PDP2: variants seen among roughly 807,000 people sequenced by gnomAD.
PDP2 encodes [Pyruvate dehydrogenase [acetyl-transferring]]-phosphatase 2, mitochondrial.
A neutral mutation model predicts 34.2 loss-of-function variants in PDP2; 23 were observed. The observed-to-expected ratio is 0.67, with a 90% confidence interval of 0.48 to 0.95. The LOEUF is 0.95. Among genes scored for constraint, PDP2 ranks in the 40% least tolerant of loss-of-function variants. The pLI is 0.00. For synonymous variants in PDP2, 275 were observed against 269.2 expected, an observed-to-expected ratio of 1.02 and a Z score of -0.21; for missense variants, 571 against 659.6, an observed-to-expected ratio of 0.87 and a Z score of 1.47.
chr16:66,881,257 C>A (rs370620384), intron 1 of PDP2, among the ~76,000 whole-genome samples: 6 of 152,056 alleles, frequency 3.9e-5, no homozygotes, highest in African/African-American at 7.2e-5. Context: ...GGACAGACCG[C>A]CCCCGCACCG....
At chr16:66,881,443 A>ATTTAG (rs1413389104) in intron 1 of PDP2, among the ~76,000 whole-genome samples, 2 of 147,822 alleles carry the variant, frequency 1.4e-5, no homozygotes, top group African/African-American at 2.5e-5. Flanking sequence ...ATTTAATTTA[A>ATTTAG]TTTAATTTAA....
Position 66,889,640 on chromosome 16 carries a change from G to T in PDP2, c.*3766G>T, listed in dbSNP as rs1213093489. 6.6e-6 allele frequency: 1 copy of T among 151,980 alleles called. No individual in the cohort carries two copies. The highest frequency in any genetic ancestry group is 2.4e-5 in the African/African-American group (1 of 41,358). The allele number at this position is 151,980 out of a possible 1,614,324, so 9.4% of individuals were successfully genotyped here. On this transcript the variant is annotated 3_prime_UTR_variant, in exon 2 of 2. Coordinates refer to ENST00000311765, the MANE Select transcript of PDP2 (RefSeq NM_020786.4). ...TAACTGCATCTCTCTTGATTCTGGG[G>T]CTTGGTAAAAATGGATAGATAAGAT... is the stretch of plus-strand genomic sequence containing the variant.
At position 66,884,570 on chromosome 16, in the gene PDP2, C is replaced by G; in HGVS notation, c.286C>G (p.Leu96Val). 6.2e-7 allele frequency: 1 copy of G among 1,614,238 alleles called. No individual in the cohort carries two copies. The highest frequency in any genetic ancestry group is 8.5e-7 in the Non-Finnish European group (1 of 1,180,052). The change falls in exon 2 of 2, where the codon CTT (leucine) becomes GTT (valine). Residue 96 changes from leucine to valine, a missense_variant. Leu to Val is a conservative substitution (Grantham distance 32). This residue lies in a region of PDP2 where 290 missense variants were observed against 283.8 expected (regional missense o/e 1.02). Transcript: ENST00000311765. Reference sequence around the variant, plus strand: ...AGCTGGCGAGACAACCCACAAGATTCTTGACCTTGAAAGCAGAGTCCCAAA... The same window carrying G: ...AGCTGGCGAGACAACCCACAAGATTGTTGACCTTGAAAGCAGAGTCCCAAA... ...LRAGETTHKI[L>V]DLESRVPNSV...
chr16:66,884,932 G>C lies in PDP2; in HGVS notation c.648G>C (p.Leu216=), dbSNP rs1174792125. 2 of 1,613,844 alleles carry C rather than the reference G, an allele frequency of 1.2e-6. No individual in the cohort carries two copies. Among genetic ancestry groups the C allele is most frequent in the Non-Finnish European group, 1.7e-6 (2 of 1,180,004 alleles). Residue 216 remains leucine (L), a synonymous_variant, in exon 2 of 2, where the codon CTG becomes CTC. Coordinates refer to ENST00000311765, the MANE Select transcript of PDP2 (RefSeq NM_020786.4). ...LDHLRVYWQE[L]LDLHMEMGLS... is the part of the protein sequence containing the mutation. ...ACCTCCGTGTCTATTGGCAGGAACTGCTTGATTTGCACATGGAAATGGGAC... is the reference window on the plus strand; with the variant it reads ...ACCTCCGTGTCTATTGGCAGGAACTCCTTGATTTGCACATGGAAATGGGAC...
rs202210022 is a variant in PDP2, at chr16:66,885,333, A to T, written c.1049A>T (p.Asp350Val). The part of the protein sequence containing the change: ...GVLIPCRAFG[D>V]VQLKWSKELQ... Reference sequence around the variant, plus strand: ...CTCATCCCCTGCAGGGCCTTTGGGGATGTTCAGCTGAAGTGGAGTAAAGAG... The same window carrying T: ...CTCATCCCCTGCAGGGCCTTTGGGGTTGTTCAGCTGAAGTGGAGTAAAGAG... The change falls in exon 2 of 2, where the codon GAT becomes GTT. Residue 350 changes from aspartate to valine, a missense_variant. By Grantham distance (152) the Asp-to-Val change is radical (BLOSUM62 -3). Around this residue, in one of 2 missense-constraint regions of PDP2, gnomAD observed 281 missense variants for 375.8 expected, o/e 0.75. Coordinates refer to ENST00000311765, the MANE Select transcript of PDP2 (RefSeq NM_020786.4). The surrounding 1 kb of genome is among the most constrained non-coding windows in gnomAD (Gnocchi z 4.6). 1 of 1,614,082 alleles carries T rather than the reference A, an allele frequency of 6.2e-7. No homozygotes were observed. Among genetic ancestry groups the T allele is most frequent in the East Asian group, 2.2e-5 (1 of 44,880 alleles).
intron 1 of PDP2, among the ~76,000 whole-genome samples, chr16:66,883,555 C>A (rs927551416): frequency 6.6e-6 from 1 of 152,208 alleles, no homozygotes; most frequent in African/African-American, 2.4e-5. Context: ...TCTCCTACCT[C>A]AGCCTCCCAA....
Position 66,885,903 on chromosome 16 carries a change from CATA to C in PDP2, c.*31_*33del, listed in dbSNP as rs1380495921. ...TCTCCCATCCTATTGTCAAGGTTAA[CATA>C]AATGCTCTTCTAAAATGTTTCACTT... On this transcript the variant is annotated 3_prime_UTR_variant, in exon 2 of 2. Transcript: ENST00000311765. This position sits in a 1 kb window ranked among gnomAD's most constrained non-coding sequence, Gnocchi z 4.6. The C allele has an allele frequency of 6.4e-7, 1 of 1,558,682 alleles. No individual in the cohort carries two copies. Among genetic ancestry groups the C allele is most frequent in the East Asian group, 2.3e-5 (1 of 44,268 alleles).
chr16:66,887,801 A>C lies in PDP2; in HGVS notation c.*1927A>C, dbSNP rs1961825368. The C allele has an allele frequency of 6.5e-6, 1 of 154,804 alleles. No homozygotes were observed. Among genetic ancestry groups the C allele is most frequent in the Admixed American group, 6.5e-5 (1 of 15,272 alleles). 9.6% of individuals were successfully genotyped at this position (154,804 alleles called of 1,614,324 possible). ...AACTCCATCTCTACTAAAAATACAA[A>C]ATTAGCCAGGTGTGGTGGTGCATGC... On this transcript the variant is annotated 3_prime_UTR_variant, in exon 2 of 2. Transcript: ENST00000311765.
chr16:66,887,591 A>G lies in PDP2; in HGVS notation c.*1717A>G, dbSNP rs1420358633. The G allele has an allele frequency of 1.8e-5, 3 of 167,072 alleles. No individual in the cohort carries two copies. The highest frequency in any genetic ancestry group is 4.4e-5 in the Non-Finnish European group (3 of 68,106). 10.3% of individuals were successfully genotyped at this position (167,072 alleles called of 1,614,324 possible). On this transcript the variant is annotated 3_prime_UTR_variant, in exon 2 of 2. Coordinates refer to ENST00000311765, the MANE Select transcript of PDP2 (RefSeq NM_020786.4). ...CATTTTTCAGTGCAACTGTTTAGTC[A>G]TGTGTTTTCATCTAAGAAATTATCT...
intron 1 of PDP2, among the ~76,000 whole-genome samples, chr16:66,883,648 A>G (rs887942162): frequency 5.4e-5 from 8 of 148,794 alleles, no homozygotes; most frequent in Non-Finnish European, 1.0e-4. Context: ...GGGTTTCACC[A>G]TGTTGCCCAG....
In PDP2 at chr16:66,889,461, C is replaced by T. The variant is rs1165100635; in HGVS notation, c.*3587C>T. On this transcript the variant is annotated 3_prime_UTR_variant, in exon 2 of 2. Transcript: ENST00000311765. The stretch of plus-strand genomic sequence containing the variant: ...ATTACAGGCATGCACCACCACACAC[C>T]GCTAATTTTTTGTATTTTTAGTAGA... 3 of 151,886 alleles carry T rather than the reference C, an allele frequency of 2.0e-5. No homozygotes were observed. The highest frequency in any genetic ancestry group is 2.9e-5 in the Non-Finnish European group (2 of 67,990). 9.4% of individuals were successfully genotyped at this position (151,886 alleles called of 1,614,324 possible). A position where few individuals can be genotyped will look rare whatever the true frequency, so the allele number is the denominator to read the frequency against.
rs1268311516 is a variant in PDP2, at chr16:66,890,273, T to G, written c.*4399T>G. The G allele has an allele frequency of 6.6e-6, 1 of 152,124 alleles. No individual in the cohort carries two copies. The highest frequency in any genetic ancestry group is 2.4e-5 in the African/African-American group (1 of 41,422). 9.4% of individuals were successfully genotyped at this position (152,124 alleles called of 1,614,324 possible). A position where few individuals can be genotyped will look rare whatever the true frequency, so the allele number is the denominator to read the frequency against. ...CCAGCCTGGGCAACATGAGCGAAAC[T>G]CCATCTCAAAAAAACAAAAACAAAA... On this transcript the variant is annotated 3_prime_UTR_variant, in exon 2 of 2. Transcript: ENST00000311765.
Position 66,884,810 on chromosome 16 carries a change from G to A in PDP2, c.526G>A (p.Ala176Thr), listed in dbSNP as rs766641239. 5.6e-6 allele frequency: 9 copies of A among 1,614,008 alleles called. No individual in the cohort carries two copies. In the Admixed American group the frequency reaches 6.7e-5, roughly 12 times the overall value. Reference sequence around the variant, plus strand: ...CCAGACCCTGGAGCACATGGAGGGAGCTATGGAAAGCATGAAACCCTTGCT... The same window carrying A: ...CCAGACCCTGGAGCACATGGAGGGAACTATGGAAAGCATGAAACCCTTGCT... ...SHQTLEHMEG[A>T]MESMKPLLPI... Residue 176 changes from alanine (A) to threonine (T), a missense_variant, in exon 2 of 2, where the codon GCT (alanine) becomes ACT (threonine). Coordinates refer to ENST00000311765, the MANE Select transcript of PDP2 (RefSeq NM_020786.4).
chr16:66,885,542 A>C lies in PDP2; in HGVS notation c.1258A>C (p.Asn420His). 1 of 1,614,108 alleles carries C rather than the reference A, an allele frequency of 6.2e-7. No individual in the cohort carries two copies. Among genetic ancestry groups the C allele is most frequent in the Non-Finnish European group, 8.5e-7 (1 of 1,180,030 alleles). Residue 420 changes from asparagine (N) to histidine (H), a missense_variant, in exon 2 of 2, where the codon AAT becomes CAT. Physicochemically the swap from Asn to His is moderately conservative, Grantham distance 68. Transcript: ENST00000311765. This position sits in a 1 kb window ranked among gnomAD's most constrained non-coding sequence, Gnocchi z 4.6. Reference protein sequence around the residue: ...ASDGLWDMLSNEDVVRLVVGH... With the variant: ...ASDGLWDMLSHEDVVRLVVGH... ...AGATGGCCTGTGGGACATGCTGAGC[A>C]ATGAGGACGTGGTAAGGCTGGTGGT...
At chr16:66,884,046 C>A (rs952387354) in intron 1 of PDP2, among the ~76,000 whole-genome samples, 185 bp from the exon 2 acceptor site, 21 of 151,840 alleles carry the variant, frequency 1.4e-4, no homozygotes, top group Admixed American at 9.8e-4. Context: ...TGGTGGCGGG[C>A]GCCTGTAGTC....
chr16:66,881,238 T>C (rs903237524), intron 1 of PDP2, among the ~76,000 whole-genome samples: 2 of 152,026 alleles, frequency 1.3e-5, no homozygotes, highest in African/African-American at 2.4e-5. Flanking sequence ...TCAGGCGCCC[T>C]CTGCTCCCGG....
Position 66,885,185 on chromosome 16 carries a change from T to A in PDP2, c.901T>A (p.Ser301Thr). 1.2e-6 allele frequency: 2 copies of A among 1,613,968 alleles called. No individual in the cohort carries two copies. Among genetic ancestry groups the A allele is most frequent in the Non-Finnish European group, 1.7e-6 (2 of 1,180,020 alleles). ...TGTCCAAGAGGACAATGGCATGTGG[T>A]CTTGTCTGCCCCTTACACGTGACCA... Reference protein sequence around the residue: ...LGVQEDNGMWSCLPLTRDHNA... With the variant: ...LGVQEDNGMWTCLPLTRDHNA... The change falls in exon 2 of 2, where the codon TCT becomes ACT. Residue 301 changes from serine (S) to threonine (T), a missense_variant. Transcript: ENST00000311765. The surrounding 1 kb of genome is among the most constrained non-coding windows in gnomAD (Gnocchi z 4.6).
Position 66,886,608 on chromosome 16 carries a change from C to A in PDP2, c.*734C>A, listed in dbSNP as rs898554478. On this transcript the variant is annotated 3_prime_UTR_variant, in exon 2 of 2. Transcript: ENST00000311765. ...CTGGTGCAGCTTTTTGTGCCCTCTA[C>A]TGAGTCCCATTCCAGAAACTTTGAG... The A allele has an allele frequency of 4.4e-6, 2 of 454,316 alleles. No individual in the cohort carries two copies. The highest frequency in any genetic ancestry group is 9.3e-6 in the Non-Finnish European group (2 of 215,524). 28.1% of individuals were successfully genotyped at this position (454,316 alleles called of 1,614,324 possible).
At chr16:66,882,243 A>G (rs940877749) in intron 1 of PDP2, among the ~76,000 whole-genome samples, 1 of 152,202 alleles carries the variant, frequency 6.6e-6, no homozygotes, top group African/African-American at 2.4e-5. Context: ...GCTTGAGCCT[A>G]GGAGTTTGAG....
Sources: allele counts gnomAD v4.1 joint callset (sites outside exome capture counted in the v4.1 genomes callset), GRCh38; gene constraint gnomAD v4.1.1; regional missense constraint gnomAD v4.1.1; non-coding constraint Gnocchi (gnomAD v3.1); transcripts MANE v1.5; gene names NCBI Gene and HGNC (gene_info 2026-07-23, HGNC 2026-07-21).